DEPTOR: variants seen among roughly 807,000 people sequenced by gnomAD.
DEPTOR encodes DEP domain containing MTOR interacting protein, also known as DEP domain-containing mTOR-interacting protein.
DEPTOR carries 41 observed loss-of-function variants against 41.6 expected under a neutral mutation model. That is an observed-to-expected ratio of 0.98 (90% CI 0.77 to 1.28). DEPTOR has a LOEUF of 1.28. Among genes scored for constraint, DEPTOR ranks in the 50% most tolerant of loss-of-function variants. DEPTOR has a pLI of 0.00. For missense variants in DEPTOR, 514 were observed against 527.9 expected, an observed-to-expected ratio of 0.97 and a Z score of 0.26; for synonymous variants, 195 against 192.3, an observed-to-expected ratio of 1.01 and a Z score of -0.12.
At chr8:119,898,792 A>G (rs1292974764) in intron 1 of DEPTOR, among the ~76,000 whole-genome samples, 1 of 152,162 alleles carries the variant, frequency 6.6e-6, no homozygotes, top group Non-Finnish European at 1.5e-5. Flanking sequence ...GTTTTGATCA[A>G]GGGTAAATAC....
chr8:119,979,867 T>G (rs1828740848), intron 4 of DEPTOR, among the ~76,000 whole-genome samples: 1 of 152,098 alleles, frequency 6.6e-6, no homozygotes. Flanking sequence ...GGATTCCTCT[T>G]AAGTGGGAAC....
intron 3 of DEPTOR, among the ~76,000 whole-genome samples, chr8:119,934,191 G>A (rs1828081265): frequency 6.6e-6 from 1 of 152,092 alleles, no homozygotes. Flanking sequence ...TGGGTACCCT[G>A]GCTTTCTAAC....
intron 8 of DEPTOR, among the ~76,000 whole-genome samples, chr8:120,040,556 C>A (rs1488553000): frequency 6.6e-6 from 1 of 152,052 alleles, no homozygotes; most frequent in Admixed American, 6.6e-5. Context: ...AGAATGGGAT[C>A]CCAAAGGTGA....
At chr8:119,962,583 G>T (rs1206604942) in intron 3 of DEPTOR, among the ~76,000 whole-genome samples, 2 of 152,180 alleles carry the variant, frequency 1.3e-5, no homozygotes, top group Non-Finnish European at 2.9e-5. Flanking sequence ...GCTATGTGAA[G>T]AATTTTGGTC....
intron 8 of DEPTOR, among the ~76,000 whole-genome samples, chr8:120,035,411 TAAAGAACTTCCTATATCCACAGTA>T (rs796709907): frequency 2.6e-5 from 4 of 152,280 alleles, no homozygotes; most frequent in African/African-American, 9.6e-5. Flanking sequence ...CAGGGTATTC[TAAAGAACTTCCTATATCCACAGTA>T]AAAGCAAATT....
chr8:119,897,594 T>C (rs1827537628), intron 1 of DEPTOR, among the ~76,000 whole-genome samples: 1 of 152,208 alleles, frequency 6.6e-6, no homozygotes, highest in East Asian at 1.9e-4. Context: ...AAGATATTTC[T>C]CGATTTCTGT....
intron 3 of DEPTOR, among the ~76,000 whole-genome samples, chr8:119,956,691 C>CTT (rs758085640): frequency 3.1e-5 from 3 of 97,528 alleles, no homozygotes; most frequent in Non-Finnish European, 4.4e-5. Context: ...CACAGGTCTC[C>CTT]TTTTTTTTTT....
At chr8:119,919,554 G>GT (rs1827864459) in intron 1 of DEPTOR, among the ~76,000 whole-genome samples, 1 of 152,060 alleles carries the variant, frequency 6.6e-6, no homozygotes, top group Admixed American at 6.6e-5. Context: ...TTTCCATTTT[G>GT]TTTTTTTCTT....
intron 1 of DEPTOR, among the ~76,000 whole-genome samples, chr8:119,904,321 G>T (rs1395446028): frequency 6.6e-6 from 1 of 151,890 alleles, no homozygotes; most frequent in Non-Finnish European, 1.5e-5. Flanking sequence ...GTTTCACCTT[G>T]TGGGTCAGGC....
At position 120,008,310 on chromosome 8, in the gene DEPTOR, C is replaced by T. The variant is rs562379241; in HGVS notation, c.997-719C>T. Among the ~76,000 whole-genome samples, 446 of 152,102 alleles carry T rather than the reference C, an allele frequency of 2.9e-3. 3 individuals carry two copies. Among genetic ancestry groups the T allele is most frequent in the African/African-American group, 0.01 (428 of 41,502 alleles). ...TTGGAGGCTGAGGCAGGTGGATCACCTGAGCTCAGGAGTTCGAGACCAGCC... is the reference window on the plus strand; with the variant it reads ...TTGGAGGCTGAGGCAGGTGGATCACTTGAGCTCAGGAGTTCGAGACCAGCC... On this transcript the variant is annotated intron_variant, in intron 7 of 8. Transcript: ENST00000286234.
At chr8:119,980,599 C>A (rs1413044340) in intron 4 of DEPTOR, among the ~76,000 whole-genome samples, 1 of 150,788 alleles carries the variant, frequency 6.6e-6, no homozygotes, top group South Asian at 2.1e-4. Context: ...CTCACTGCAA[C>A]CTCCGCCTCC....
At chr8:119,952,045 G>A (rs1020527058) in intron 3 of DEPTOR, among the ~76,000 whole-genome samples, 1 of 152,084 alleles carries the variant, frequency 6.6e-6, no homozygotes, top group Non-Finnish European at 1.5e-5. Flanking sequence ...CGAGGCAAGA[G>A]AATTGCTTGA....
chr8:119,949,283 T>C (rs1828322495), intron 3 of DEPTOR, among the ~76,000 whole-genome samples: 4 of 152,248 alleles, frequency 2.6e-5, no homozygotes, highest in Admixed American at 2.6e-4. Context: ...TTGATGGACA[T>C]GTGGATTGTA....
intron 1 of DEPTOR, among the ~76,000 whole-genome samples, chr8:119,927,467 T>C (rs1226303678): frequency 6.6e-6 from 1 of 151,666 alleles, no homozygotes; most frequent in Non-Finnish European, 1.5e-5. Flanking sequence ...TCCCTTTATC[T>C]CTATCTATCT....
intron 1 of DEPTOR, among the ~76,000 whole-genome samples, chr8:119,895,995 T>A (rs978890261): frequency 3.9e-5 from 6 of 152,198 alleles, no homozygotes; most frequent in African/African-American, 1.4e-4. Context: ...TTTTTAACAC[T>A]CTATTTTATG....
intron 1 of DEPTOR, among the ~76,000 whole-genome samples, chr8:119,910,451 T>A (rs1827722151): frequency 6.6e-6 from 1 of 152,118 alleles, no homozygotes; most frequent in South Asian, 2.1e-4. Context: ...CAGGCCTTAT[T>A]TTTTATTTTT....
chr8:119,930,126 G>C (rs1423229836), intron 3 of DEPTOR, among the ~76,000 whole-genome samples, 188 bp downstream of exon 3: 1 of 152,090 alleles, frequency 6.6e-6, no homozygotes, highest in Non-Finnish European at 1.5e-5. Flanking sequence ...ATTTCATAAG[G>C]TTCTTAATAA....
chr8:119,987,146 G>T (rs112527798), intron 4 of DEPTOR, among the ~76,000 whole-genome samples: 2,314 of 152,160 alleles, frequency 0.015, 30 homozygotes, highest in African/African-American at 0.03. Flanking sequence ...TTTTGTGCTG[G>T]TTTTTCCTCA....
At chr8:119,959,962 G>A (rs571070478) in intron 3 of DEPTOR, among the ~76,000 whole-genome samples, 1 of 152,206 alleles carries the variant, frequency 6.6e-6, no homozygotes, top group Admixed American at 6.5e-5. Flanking sequence ...AGGCGCAGTG[G>A]CTCACACCCG....
Sources: gnomAD v4.1 joint callset for allele counts (sites outside exome capture counted in the v4.1 genomes callset) on GRCh38, gnomAD v4.1.1 for gene constraint, MANE v1.5 for transcripts, NCBI Gene and HGNC (gene_info 2026-07-23, HGNC 2026-07-21) for gene names.